Variants in LRRC7 observed in about 807,000 individuals in gnomAD.
LRRC7 encodes the protein leucine rich repeat containing 7.
LRRC7 carries 23 observed loss-of-function variants against 175.7 expected under a neutral mutation model. The observed-to-expected ratio is 0.13, with a 90% CI of 0.09 to 0.19. The LOEUF (loss-of-function observed/expected upper bound fraction) is 0.19. Ranked by LOEUF, LRRC7 falls within the 10% of genes least tolerant of loss-of-function variation. The probability of loss-of-function intolerance (pLI) is 1.00; values close to 1 mark genes in which losing one functional copy is unlikely to be tolerated. For synonymous variants in LRRC7, 685 were observed against 680.9 expected, an observed-to-expected ratio of 1.01 and a Z score of -0.09; for missense variants, 1,354 against 1,904.7, an observed-to-expected ratio of 0.71 and a Z score of 5.38.
At chr1:69,740,882 A>T (rs1668636678) in intron 2 of LRRC7, among the ~76,000 whole-genome samples, 1 of 152,088 alleles carries the variant, frequency 6.6e-6, no homozygotes, top group South Asian at 2.1e-4. Context: ...TGAGGAAAAC[A>T]TAACTCAGTC....
chr1:70,106,529 G>C (rs932001913), intron 25 of LRRC7, among the ~76,000 whole-genome samples: 1 of 151,966 alleles, frequency 6.6e-6, no homozygotes, highest in African/African-American at 2.4e-5. Flanking sequence ...ACCACATTTT[G>C]TTTATCCATT....
intron 8 of LRRC7, among the ~76,000 whole-genome samples, chr1:69,951,201 T>C (rs186614435): frequency 5.9e-5 from 9 of 151,510 alleles, no homozygotes; most frequent in Admixed American, 5.3e-4. Context: ...GCAATATCAC[T>C]GATCACTAGA....
At chr1:69,639,940 T>G (rs1653956203) in intron 1 of LRRC7, among the ~76,000 whole-genome samples, 1 of 151,830 alleles carries the variant, frequency 6.6e-6, no homozygotes, top group African/African-American at 2.4e-5. Context: ...ACGTGCAGTT[T>G]GAACCATAAC....
intron 1 of LRRC7, among the ~76,000 whole-genome samples, chr1:69,608,864 CTCTA>C (rs1648188852): frequency 2.8e-4 from 6 of 21,612 alleles, no homozygotes; most frequent in African/African-American, 9.7e-4. Flanking sequence ...CTCTCTCTCT[CTCTA>C]TATATATATA....
At chr1:69,623,638 C>T (rs1651007933) in intron 1 of LRRC7, among the ~76,000 whole-genome samples, 1 of 150,324 alleles carries the variant, frequency 6.7e-6, no homozygotes, top group Non-Finnish European at 1.5e-5. Context: ...GCAACCTCTG[C>T]CTCCTGGGTT....
chr1:69,756,574 T>G (rs1168161842), intron 2 of LRRC7, among the ~76,000 whole-genome samples: 1 of 151,800 alleles, frequency 6.6e-6, no homozygotes, highest in Non-Finnish European at 1.5e-5. Context: ...TGAGTTTCCC[T>G]GGAAACTAGA....
At position 70,136,007 on chromosome 1, in the gene LRRC7, C is replaced by T. The variant is rs1452827070; in HGVS notation, c.*14120C>T. On this transcript the variant is annotated 3_prime_UTR_variant, in exon 27 of 27. Transcript: ENST00000651989. ...AACAGTTCAGGCATTTCTTTGTGGC[C>T]ATTTCCCAGAGAAATTCAAACTTGG... Among the ~76,000 whole-genome samples the T allele has an allele frequency of 2.0e-5, 3 of 151,848 alleles. No homozygotes were observed. Among genetic ancestry groups the T allele is most frequent in the African/African-American group, 7.3e-5 (3 of 41,332 alleles).
chr1:69,946,865 G>A (rs141686411), intron 8 of LRRC7, among the ~76,000 whole-genome samples: 1 of 151,926 alleles, frequency 6.6e-6, no homozygotes, highest in Non-Finnish European at 1.5e-5. Flanking sequence ...ATCACCTGAG[G>A]TTGGGAGTTC....
Position 70,038,243 on chromosome 1 carries a change from A to G in LRRC7, c.2419A>G (p.Thr807Ala). The change falls in exon 21 of 27, where the codon ACT becomes GCT. Residue 807 changes from threonine (T) to alanine (A), a missense_variant. Thr to Ala is a moderately conservative substitution (Grantham distance 58). This residue lies in a region of LRRC7 where 1,032 missense variants were observed against 1,227.2 expected (regional missense o/e 0.84). Coordinates refer to ENST00000651989, the MANE Select transcript of LRRC7 (RefSeq NM_001370785.2). ...GAGTGATACTTTCACTGACAACTGG[A>G]CTGATGGCTCGCATTATGACAACAC... ...PMSDTFTDNW[T>A]DGSHYDNTGF... is the part of the protein sequence containing the mutation. The G allele has an allele frequency of 6.2e-7, 1 of 1,614,168 alleles. No homozygotes were observed. The highest frequency in any genetic ancestry group is 8.5e-7 in the Non-Finnish European group (1 of 1,180,010).
chr1:69,887,540 C>G lies in LRRC7; in HGVS notation c.648-43967C>G, dbSNP rs970805651. Among the ~76,000 whole-genome samples, 37 of 151,208 alleles carry G rather than the reference C, an allele frequency of 2.4e-4. 1 individual carries two copies. Among genetic ancestry groups the G allele is most frequent in the Non-Finnish European group, 4.9e-4 (33 of 67,746 alleles). ...TCGTCTAAATTTTTTTCAAAGTTTT[C>G]AACTTCTTTGCCTTTGGTTTGAATG... On this transcript the variant is annotated intron_variant, in intron 7 of 26. Transcript: ENST00000651989.
At chr1:69,613,221 C>T (rs1386065756) in intron 1 of LRRC7, among the ~76,000 whole-genome samples, 2 of 152,050 alleles carry the variant, frequency 1.3e-5, no homozygotes, top group African/African-American at 4.8e-5. Context: ...GCCTTCCTTC[C>T]TGATTTGCAG....
At chr1:69,795,374 C>CG (rs934122104) in intron 4 of LRRC7, among the ~76,000 whole-genome samples, 14 of 99,994 alleles carry the variant, frequency 1.4e-4, no homozygotes, top group African/African-American at 4.6e-4. Flanking sequence ...GACACCGTCT[C>CG]GAAAAAAAAA....
At chr1:69,945,198 A>G (rs534903698) in intron 8 of LRRC7, among the ~76,000 whole-genome samples, 2 of 152,204 alleles carry the variant, frequency 1.3e-5, no homozygotes, top group African/African-American at 4.8e-5. Flanking sequence ...GGGGTGGAAT[A>G]ATGGTCCAAT....
chr1:69,934,219 A>T (rs1647710375), intron 8 of LRRC7, among the ~76,000 whole-genome samples: 3 of 152,176 alleles, frequency 2.0e-5, no homozygotes, highest in Non-Finnish European at 4.4e-5. Context: ...TTATCATTAG[A>T]TGATTTATTT....
At chr1:70,072,578 ACTGCTGCTGCTG>A (rs6143270) in intron 23 of LRRC7, among the ~76,000 whole-genome samples, 4,859 of 150,704 alleles carry the variant, frequency 0.032, 290 homozygotes, top group African/African-American at 0.11. Context: ...GAGACAAAAA[ACTGCTGCTGCTG>A]CTGCTGCTGC....
rs1656525688 is a variant in LRRC7, at chr1:70,011,714, G to A, written c.1005-83G>A. On this transcript the variant is annotated intron_variant, in intron 11 of 26. Transcript: ENST00000651989. ...TTACCGCATGAATAACTTTTGTTTT[G>A]GTGAATTTTGGATATGTGGCTTTTT... 5.6e-6 allele frequency: 5 copies of A among 895,228 alleles called. No homozygotes were observed. The Admixed American group carries it at 1.1e-4, about 20-fold the overall frequency. The allele number at this position is 895,228 out of a possible 1,614,324, so 55.5% of individuals were successfully genotyped here.
At position 69,627,603 on chromosome 1, in the gene LRRC7, C is replaced by CT. The variant is rs1156489242; in HGVS notation, c.3-50771dup. Among the ~76,000 whole-genome samples the CT allele has an allele frequency of 9.9e-5, 15 of 151,956 alleles. No individual in the cohort carries two copies. In the East Asian group the frequency reaches 1.5e-3, roughly 16 times the overall value. On this transcript the variant is annotated intron_variant, in intron 1 of 26. Coordinates refer to ENST00000651989, the MANE Select transcript of LRRC7 (RefSeq NM_001370785.2). ...ATTAGATCCCATTTGTTAATTTTGA[C>CT]TTTTTTTGCCATTGATTTTGGTGTT...
chr1:69,916,412 A>G (rs1342429247), intron 7 of LRRC7, among the ~76,000 whole-genome samples: 1 of 150,242 alleles, frequency 6.7e-6, no homozygotes, highest in Non-Finnish European at 1.5e-5. Context: ...TAAAAAACCT[A>G]TTATTGGAAA....
intron 2 of LRRC7, among the ~76,000 whole-genome samples, chr1:69,752,148 T>A (rs535887311): frequency 1.3e-5 from 2 of 152,246 alleles, no homozygotes; most frequent in African/African-American, 4.8e-5. Context: ...TATATTCTCT[T>A]GATAAAGGGG....
Sources: allele counts gnomAD v4.1 joint callset (sites outside exome capture counted in the v4.1 genomes callset), GRCh38; gene constraint gnomAD v4.1.1; regional missense constraint gnomAD v4.1.1; transcripts MANE v1.5; gene names NCBI Gene and HGNC (gene_info 2026-07-23, HGNC 2026-07-21).